TRPC5: variants seen among roughly 807,000 people sequenced by gnomAD.
The protein encoded by TRPC5 is transient receptor potential cation channel subfamily C member 5.
TRPC5 carries 9 observed loss-of-function variants against 56.5 expected under a neutral mutation model. The ratio of observed to expected loss-of-function variants is 0.16; its 90% confidence interval spans 0.10 to 0.28. TRPC5 has a LOEUF of 0.28. Ranked by LOEUF, TRPC5 falls within the 10% of genes least tolerant of loss-of-function variation. The pLI is 1.00. For missense variants in TRPC5, 469 were observed against 748.9 expected (o/e 0.63, Z 4.36); for synonymous variants, 282 against 278.5 (o/e 1.01, Z -0.13).
At chrX:111,826,410 A>C in intron 7 of TRPC5, among the ~76,000 whole-genome samples, 1 of 112,380 alleles carries the variant, frequency 8.9e-6, no homozygotes, top group Non-Finnish European at 1.9e-5. Flanking sequence ...GGAGGGCACT[A>C]TTAAAATGTC....
At chrX:112,006,794 T>A (rs1928855995) in intron 1 of TRPC5, among the ~76,000 whole-genome samples, 1 of 111,817 alleles carries the variant, frequency 8.9e-6, no homozygotes, top group Non-Finnish European at 1.9e-5. Flanking sequence ...AAACAAACTC[T>A]GGCAATAAAC....
intron 2 of TRPC5, among the ~76,000 whole-genome samples, chrX:111,919,343 C>T (rs987292323): frequency 5.4e-5 from 6 of 111,935 alleles, no homozygotes; most frequent in Non-Finnish European, 9.4e-5. Context: ...CAGCCAGCAG[C>T]GGCAACCCGC....
intron 2 of TRPC5, among the ~76,000 whole-genome samples, chrX:111,950,280 G>A (rs113384379): frequency 1.0e-4 from 11 of 109,240 alleles, no homozygotes; most frequent in African/African-American, 3.7e-4. Flanking sequence ...AGCCGAGATC[G>A]CACCACTGCA....
intron 1 of TRPC5, among the ~76,000 whole-genome samples, chrX:111,985,611 T>G (rs1928192081): frequency 8.9e-6 from 1 of 111,947 alleles, no homozygotes; most frequent in Non-Finnish European, 1.9e-5. Flanking sequence ...TCTGGGTAGG[T>G]AAACTGGCTA....
intron 1 of TRPC5, among the ~76,000 whole-genome samples, chrX:112,012,543 C>A (rs1259877332): frequency 9.0e-6 from 1 of 110,528 alleles, no homozygotes; most frequent in African/African-American, 3.3e-5. Flanking sequence ...TTACTGGGCT[C>A]TTATGTAGTC....
chrX:111,958,413 T>C (rs1927290876), intron 1 of TRPC5, among the ~76,000 whole-genome samples: 1 of 112,272 alleles, frequency 8.9e-6, no homozygotes, highest in Admixed American at 9.4e-5. Context: ...AACTCCATAA[T>C]AGCCAGAACC....
chrX:111,900,998 A>G (rs1244547675), intron 3 of TRPC5, among the ~76,000 whole-genome samples: 1 of 111,681 alleles, frequency 9.0e-6, no homozygotes, highest in Non-Finnish European at 1.9e-5. Context: ...ATGGCTTTAG[A>G]TAAAGTTGGA....
intron 1 of TRPC5, among the ~76,000 whole-genome samples, chrX:111,962,109 G>A (rs187326441): frequency 3.9e-4 from 43 of 111,368 alleles, no homozygotes; most frequent in Non-Finnish European, 7.0e-4. Context: ...AGGGGAATGA[G>A]GGTTGAAAAA....
Position 111,882,854 on chromosome X carries a change from G to A in TRPC5, c.901-28748C>T, listed in dbSNP as rs551577057. ...TAATCCCAGCACTTTGGGAGGCCAA[G>A]GCAGGAGAGTCACCTGAGGTTAGGA... On this transcript the variant is annotated intron_variant, in intron 3 of 10. Transcript: ENST00000262839. Among the ~76,000 whole-genome samples, 17 of 112,126 alleles carry A rather than the reference G, an allele frequency of 1.5e-4. No homozygotes were observed. The South Asian group carries it at 6.4e-3, about 42-fold the overall frequency.
intron 1 of TRPC5, among the ~76,000 whole-genome samples, chrX:111,968,281 T>C (rs1389979045): frequency 2.7e-5 from 3 of 111,147 alleles, no homozygotes; most frequent in Admixed American, 1.9e-4. Context: ...TGAGATACCA[T>C]CTCACACCAG....
At chrX:111,909,754 A>T (rs938865591) in intron 3 of TRPC5, among the ~76,000 whole-genome samples, 3 of 111,643 alleles carry the variant, frequency 2.7e-5, no homozygotes, top group African/African-American at 9.8e-5. Flanking sequence ...AAAAACAATG[A>T]TAAGAAATTA....
intron 1 of TRPC5, among the ~76,000 whole-genome samples, chrX:112,081,049 C>T (rs746028804): frequency 1.8e-5 from 2 of 112,255 alleles, no homozygotes; most frequent in South Asian, 7.5e-4. Flanking sequence ...CCGCTTCAGG[C>T]TTTTCCTGAG....
At chrX:111,886,211 T>C (rs12007235) in intron 3 of TRPC5, among the ~76,000 whole-genome samples, 15,109 of 111,235 alleles carry the variant, frequency 0.14, 2,405 homozygotes, top group African/African-American at 0.46. Context: ...ACCCCGGAGG[T>C]GGAGGTTGCA....
chrX:112,046,177 G>A (rs1290323030), intron 1 of TRPC5, among the ~76,000 whole-genome samples: 1 of 102,050 alleles, frequency 9.8e-6, no homozygotes, highest in East Asian at 3.0e-4. Context: ...AACTAGCCCC[G>A]TCTACCGCCA....
intron 1 of TRPC5, among the ~76,000 whole-genome samples, chrX:112,019,333 TGAG>T (rs1290521274): frequency 8.9e-6 from 1 of 112,297 alleles, no homozygotes; most frequent in Non-Finnish European, 1.9e-5. Context: ...GAAAGCCTAT[TGAG>T]GAAGTAGCCA....
chrX:112,013,284 G>A (rs775474030), intron 1 of TRPC5, among the ~76,000 whole-genome samples: 2 of 111,612 alleles, frequency 1.8e-5, no homozygotes, highest in Non-Finnish European at 3.8e-5. Context: ...CCAAGTAGCT[G>A]GGACTATAGG....
chrX:112,027,795 C>T (rs962942552), intron 1 of TRPC5, among the ~76,000 whole-genome samples: 1 of 112,057 alleles, frequency 8.9e-6, no homozygotes, highest in Non-Finnish European at 1.9e-5. Context: ...CGCGCCTGGC[C>T]GAGTACCTCA....
At position 111,781,945 on chromosome X, in the gene TRPC5, C is replaced by G. The variant is rs777304323; in HGVS notation, c.2090G>C (p.Arg697Thr). ...AATTAAAAGTCTTACTGTGAAACTT[C>G]TCAAGTTGCGCCTTCTCCGTCTACC... Reference protein sequence around the residue: ...PDGRRRRRNLRSFTERNADSL... With the variant: ...PDGRRRRRNLTSFTERNADSL... The change falls in exon 8 of 11, where the codon AGA becomes ACA. Residue 697 changes from arginine to threonine, a missense_variant. Physicochemically the swap from Arg to Thr is moderately conservative, Grantham distance 71. This residue lies in a region of TRPC5 where 194 missense variants were observed against 221.8 expected (regional missense o/e 0.87). Coordinates refer to ENST00000262839, the MANE Select transcript of TRPC5 (RefSeq NM_012471.3). 5.1e-6 allele frequency: 6 copies of G among 1,185,346 alleles called. No individual in the cohort carries two copies. Among genetic ancestry groups the G allele is most frequent in the Non-Finnish European group, 5.7e-6 (5 of 884,852 alleles).
At position 111,776,742 on chromosome X, in the gene TRPC5, T is replaced by A; in HGVS notation, c.2493A>T (p.Ser831=). 1 of 1,211,582 alleles carries A rather than the reference T, an allele frequency of 8.3e-7. No homozygotes were observed. The highest frequency in any genetic ancestry group is 1.1e-6 in the Non-Finnish European group (1 of 895,444). The part of the protein sequence containing the change: ...SGAQGKSKAE[S]SSKRSFMGPS... ...GACCCATGAAGGAGCGTTTGCTTGA[T>A]GACTCAGCTTTTGACTTTCCTTGGG... The change falls in exon 11 of 11, where the codon TCA becomes TCT. Residue 831 remains serine (S), a synonymous_variant. Coordinates refer to ENST00000262839, the MANE Select transcript of TRPC5 (RefSeq NM_012471.3).
Sources: allele counts gnomAD v4.1 joint callset (sites outside exome capture counted in the v4.1 genomes callset), GRCh38; gene constraint gnomAD v4.1.1; regional missense constraint gnomAD v4.1.1; transcripts MANE v1.5; gene names NCBI Gene and HGNC (gene_info 2026-07-23, HGNC 2026-07-21).